Variants in DGCR2 observed in about 807,000 individuals in gnomAD.
DGCR2 encodes the protein DiGeorge syndrome critical region gene 2, also known as integral membrane protein DGCR2/IDD.
DGCR2 carries 24 observed loss-of-function variants against 51.6 expected under a neutral mutation model. The ratio of observed to expected loss-of-function variants is 0.47; its 90% CI spans 0.34 to 0.65. DGCR2 has a LOEUF of 0.65. DGCR2 is among the 30% of genes least tolerant of loss of function. DGCR2 has a pLI of 0.01. For missense variants in DGCR2, 765 were observed against 772.1 expected (o/e 0.99, Z 0.11); for synonymous variants, 340 against 315.4 (o/e 1.08, Z -0.82).
At chr22:19,099,899 G>A (rs1049982924) in intron 1 of DGCR2, among the ~76,000 whole-genome samples, 1 of 151,956 alleles carries the variant, frequency 6.6e-6, no homozygotes, top group Non-Finnish European at 1.5e-5. Context: ...AAACCCAGGA[G>A]GCAGAGGTTG....
At chr22:19,076,972 C>T (rs1431547519) in intron 2 of DGCR2, among the ~76,000 whole-genome samples, 1 of 151,868 alleles carries the variant, frequency 6.6e-6, no homozygotes. Context: ...CCTTGTGATC[C>T]GCCGGCCTCC....
intron 1 of DGCR2, among the ~76,000 whole-genome samples, chr22:19,097,581 C>T (rs918814318): frequency 2.0e-5 from 3 of 152,146 alleles, no homozygotes; most frequent in African/African-American, 7.2e-5. Flanking sequence ...CCTGAGGGCA[C>T]AGGTCATGTC....
chr22:19,056,073 C>T (rs962333145), intron 6 of DGCR2: 1 of 153,110 alleles, frequency 6.5e-6, no homozygotes, highest in Non-Finnish European at 1.5e-5. Flanking sequence ...GTAATCCCAC[C>T]ACTTTGGGAG....
chr22:19,121,308 AAAAAT>A (rs1382062937), intron 1 of DGCR2, among the ~76,000 whole-genome samples: 1 of 152,270 alleles, frequency 6.6e-6, no homozygotes, highest in African/African-American at 2.4e-5. Flanking sequence ...GACTTTAAAA[AAAAAT>A]AAAATAACAT....
chr22:19,051,516 T>G (rs1232811639), intron 6 of DGCR2, among the ~76,000 whole-genome samples: 3 of 151,876 alleles, frequency 2.0e-5, no homozygotes, highest in African/African-American at 7.3e-5. Flanking sequence ...AGCCTAGGAG[T>G]TGCGTTTGAA....
intron 1 of DGCR2, among the ~76,000 whole-genome samples, chr22:19,117,113 C>G (rs888622910): frequency 1.3e-5 from 2 of 152,132 alleles, no homozygotes; most frequent in African/African-American, 4.8e-5. Context: ...CTAAGAGGAT[C>G]TGTGCGTAAC....
At chr22:19,070,818 C>T (rs1029889526) in intron 2 of DGCR2, among the ~76,000 whole-genome samples, 25 of 152,234 alleles carry the variant, frequency 1.6e-4, no homozygotes, top group Non-Finnish European at 3.5e-4. Flanking sequence ...CACGTTTATT[C>T]AATGCCCATT....
intron 4 of DGCR2, among the ~76,000 whole-genome samples, 156 bp from the exon 5 acceptor site, chr22:19,063,434 G>C (rs778809990): frequency 3.9e-5 from 6 of 152,064 alleles, no homozygotes; most frequent in Admixed American, 1.3e-4. Flanking sequence ...TGACTTCCTG[G>C]TTCAAGCAAT....
At chr22:19,112,419 G>GTAATACCAGCACTTTGGGAGGTGGAGGTA (rs1555911206) in intron 1 of DGCR2, among the ~76,000 whole-genome samples, 12 of 146,516 alleles carry the variant, frequency 8.2e-5, no homozygotes, top group East Asian at 2.0e-4. Flanking sequence ...TAATAAACAT[G>GTAATACCAGCACTTTGGGAGGTGGAGGTA]GTTTCAAATC....
intron 6 of DGCR2, among the ~76,000 whole-genome samples, chr22:19,054,753 AAAG>A (rs1425353128): frequency 6.6e-6 from 1 of 151,698 alleles, no homozygotes; most frequent in Non-Finnish European, 1.5e-5. Flanking sequence ...AAAAAAAAAA[AAAG>A]AGAGAGTCAA....
intron 8 of DGCR2, chr22:19,041,521 C>G: frequency 1.6e-6 from 1 of 608,454 alleles, no homozygotes; most frequent in Non-Finnish European, 2.9e-6. Context: ...GCTGACACTT[C>G]TGTCAGACCC....
intron 1 of DGCR2, among the ~76,000 whole-genome samples, chr22:19,110,082 A>G (rs1276856234): frequency 2.6e-5 from 4 of 152,242 alleles, no homozygotes. Flanking sequence ...TCTTTAAAGA[A>G]CATTCAAAGG....
chr22:19,064,973 G>T lies in DGCR2; in HGVS notation c.423C>A (p.Ala141=), dbSNP rs34989463. 1.6e-5 allele frequency: 26 copies of T among 1,613,970 alleles called. No individual in the cohort carries two copies. The Admixed American group carries it at 3.3e-4, about 21-fold the overall frequency. ...CATTCAGGCGCTGGCAGGTCTGCGC[G>T]GCATCCCAGTAGTTCTCCCCGCTCA... ...VYLSGENYWD[A]AQTCQRLNGS... Residue 141 remains alanine (A), a synonymous_variant, in exon 4 of 10, where the codon GCC becomes GCA. Transcript: ENST00000263196.
At position 19,038,629 on chromosome 22, in the gene DGCR2, GAC is replaced by G; in HGVS notation, c.*234_*235del. 3 of 576,790 alleles carry G rather than the reference GAC, an allele frequency of 5.2e-6. No homozygotes were observed. The highest frequency in any genetic ancestry group is 9.1e-6 in the Non-Finnish European group (3 of 328,402). The allele number at this position is 576,790 out of a possible 1,614,324, so 35.7% of individuals were successfully genotyped here. ...CTCTTCTGCCATTTATAAAGGAGAA[GAC>G]AGTGATCCAAAGCTATGCATGTTTC... On this transcript the variant is annotated 3_prime_UTR_variant, in exon 10 of 10. Coordinates refer to ENST00000263196, the MANE Select transcript of DGCR2 (RefSeq NM_005137.3).
intron 1 of DGCR2, among the ~76,000 whole-genome samples, chr22:19,105,695 C>T (rs2083254401): frequency 9.8e-5 from 2 of 20,354 alleles, no homozygotes; most frequent in African/African-American, 4.4e-4. Context: ...ATCATCAGAA[C>T]ACCAACCTGC....
chr22:19,040,071 T>G (rs1371643890), intron 9 of DGCR2, among the ~76,000 whole-genome samples: 1 of 152,154 alleles, frequency 6.6e-6, no homozygotes, highest in Admixed American at 6.5e-5. Flanking sequence ...GCCCCGGTGA[T>G]GCACCTCCCT....
chr22:19,076,762 G>A (rs555039923), intron 2 of DGCR2, among the ~76,000 whole-genome samples: 4 of 112,800 alleles, frequency 3.5e-5, no homozygotes, highest in East Asian at 5.3e-4. Context: ...ATGGAGTCTC[G>A]CTCTCTCTCC....
chr22:19,114,299 C>G (rs987363691), intron 1 of DGCR2, among the ~76,000 whole-genome samples: 3 of 152,088 alleles, frequency 2.0e-5, no homozygotes, highest in Admixed American at 1.3e-4. Context: ...GAAATATCAA[C>G]TTTATTTTTT....
At chr22:19,086,872 T>C (rs899561249) in intron 2 of DGCR2, among the ~76,000 whole-genome samples, 3 of 152,190 alleles carry the variant, frequency 2.0e-5, no homozygotes, top group African/African-American at 7.2e-5. Context: ...TCAACAAGTC[T>C]TCAGAGCGTG....
Sources: gnomAD v4.1 joint callset for allele counts (sites outside exome capture counted in the v4.1 genomes callset) on GRCh38, gnomAD v4.1.1 for gene constraint, MANE v1.5 for transcripts, NCBI Gene and HGNC (gene_info 2026-07-23, HGNC 2026-07-21) for gene names.